Variants in FER observed in about 807,000 individuals in gnomAD.
The protein encoded by FER is tyrosine-protein kinase Fer.
FER carries 63 observed loss-of-function variants against 111.0 expected under a neutral mutation model. The ratio of observed to expected loss-of-function variants is 0.57; its 90% CI spans 0.46 to 0.70. The LOEUF (loss-of-function observed/expected upper bound fraction) is 0.70, where lower values mean the gene tolerates loss of function less well. Among genes scored for constraint, FER ranks in the 30% least tolerant of loss-of-function variants. The pLI is 0.00. For missense variants in FER, 914 were observed against 954.0 expected, an observed-to-expected ratio of 0.96 and a Z score of 0.55; for synonymous variants, 327 against 313.9, an observed-to-expected ratio of 1.04 and a Z score of -0.44.
At chr5:109,173,384 A>G (rs1420604928) in intron 17 of FER, among the ~76,000 whole-genome samples, 2 of 152,236 alleles carry the variant, frequency 1.3e-5, no homozygotes, top group African/African-American at 2.4e-5. Flanking sequence ...AATATAGTAA[A>G]TGGACTCAAT....
chr5:108,753,954 A>G (rs1029888340), intron 1 of FER, among the ~76,000 whole-genome samples: 5 of 152,164 alleles, frequency 3.3e-5, no homozygotes, highest in Non-Finnish European at 5.9e-5. Flanking sequence ...GGTACAAGAT[A>G]TTTACATGTA....
intron 13 of FER, among the ~76,000 whole-genome samples, chr5:109,016,364 A>T (rs930369420): frequency 6.6e-6 from 1 of 152,022 alleles, no homozygotes; most frequent in South Asian, 2.1e-4. Flanking sequence ...GTCTTTGTTG[A>T]TTAAAACTTC....
intron 5 of FER, among the ~76,000 whole-genome samples, chr5:108,839,076 T>G (rs1181826458): frequency 6.6e-6 from 1 of 152,016 alleles, no homozygotes. Flanking sequence ...GTACAAAAGG[T>G]AGTAAAGGAT....
intron 9 of FER, 26 bp from the exon 10 acceptor site, chr5:108,897,633 A>G: frequency 6.8e-7 from 1 of 1,467,740 alleles, no homozygotes. Context: ...ATGAAGTTGA[A>G]ATCATTTATA....
chr5:108,802,169 C>G (rs575228621), intron 3 of FER, among the ~76,000 whole-genome samples: 1 of 151,534 alleles, frequency 6.6e-6, no homozygotes, highest in Admixed American at 6.6e-5. Context: ...ATTATTTTGT[C>G]TTTTCTAAAT....
At chr5:109,133,789 T>C (rs1346256719) in intron 17 of FER, among the ~76,000 whole-genome samples, 1 of 151,982 alleles carries the variant, frequency 6.6e-6, no homozygotes, top group Non-Finnish European at 1.5e-5. Flanking sequence ...GTCTGCCATT[T>C]CCAGCATTCT....
intron 10 of FER, among the ~76,000 whole-genome samples, chr5:108,941,785 G>A (rs1048919577): frequency 6.6e-6 from 1 of 152,154 alleles, no homozygotes; most frequent in African/African-American, 2.4e-5. Context: ...TACAAAAAAC[G>A]TATTTTGGTG....
chr5:109,183,439 G>C (rs1758513023), intron 18 of FER, among the ~76,000 whole-genome samples: 1 of 152,046 alleles, frequency 6.6e-6, no homozygotes, highest in African/African-American at 2.4e-5. Context: ...AGTAGAGACA[G>C]GGTTTTACCA....
intron 16 of FER, among the ~76,000 whole-genome samples, chr5:109,053,435 T>C (rs979232517): frequency 6.6e-6 from 1 of 150,506 alleles, no homozygotes; most frequent in Non-Finnish European, 1.5e-5. Context: ...TTGTGGCAGA[T>C]ACATGTTTTG....
chr5:108,917,529 G>A (rs1044457894), intron 10 of FER, among the ~76,000 whole-genome samples: 1 of 152,054 alleles, frequency 6.6e-6, no homozygotes, highest in South Asian at 2.1e-4. Flanking sequence ...TTGTTTTCTT[G>A]GGTGATTTTG....
At position 108,842,183 on chromosome 5, in the gene FER, T is replaced by C. The variant is rs982052471; in HGVS notation, c.481+6376T>C. The C allele has an allele frequency of 2.6e-5, 4 of 155,614 alleles. No homozygotes were observed. In the Admixed American group the frequency reaches 2.6e-4, roughly 10 times the overall value. 9.6% of individuals were successfully genotyped at this position (155,614 alleles called of 1,614,324 possible). ...AGATAGAAGTATAGATGAAACATGA[T>C]TGATCATGAATTGATGATCATTCAA... On this transcript the variant is annotated intron_variant, in intron 5 of 19. Coordinates refer to ENST00000281092, the MANE Select transcript of FER (RefSeq NM_005246.4).
At chr5:108,996,060 T>A (rs936715734) in intron 13 of FER, among the ~76,000 whole-genome samples, 1 of 152,234 alleles carries the variant, frequency 6.6e-6, no homozygotes, top group Non-Finnish European at 1.5e-5. Context: ...CGCATAAATG[T>A]CTTTTTTTGA....
At chr5:109,004,863 A>T (rs949014799) in intron 13 of FER, among the ~76,000 whole-genome samples, 1 of 152,156 alleles carries the variant, frequency 6.6e-6, no homozygotes, top group Non-Finnish European at 1.5e-5. Flanking sequence ...ACAAATTTAT[A>T]TATTTATTAA....
At chr5:108,921,703 T>G (rs1753040140) in intron 10 of FER, among the ~76,000 whole-genome samples, 1 of 152,164 alleles carries the variant, frequency 6.6e-6, no homozygotes. Context: ...GACAATGTTT[T>G]TTACCAAAGG....
chr5:108,997,232 C>T (rs898417703), intron 13 of FER, among the ~76,000 whole-genome samples: 44 of 137,556 alleles, frequency 3.2e-4, no homozygotes, highest in African/African-American at 1.3e-3. Context: ...GGTGAAACCC[C>T]GTCTCTACTA....
chr5:108,867,854 A>G lies in FER; in HGVS notation c.569A>G (p.Lys190Arg). ...MLHNQYVLAL[K>R]GAQLHQNQYY... ...CACAATCAGTATGTATTGGCGTTGA[A>G]AGGGGCACAGCTCCATCAGAATCAG... Residue 190 changes from lysine (K) to arginine (R), a missense_variant, in exon 6 of 20, where the codon AAA (lysine) becomes AGA (arginine). Around this residue, in one of 3 missense-constraint regions of FER, gnomAD observed 774 missense variants for 782.6 expected, o/e 0.99. Transcript: ENST00000281092. The G allele has an allele frequency of 6.2e-7, 1 of 1,613,414 alleles. No homozygotes were observed. Among genetic ancestry groups the G allele is most frequent in the Non-Finnish European group, 8.5e-7 (1 of 1,179,574 alleles).
intron 11 of FER, 107 bp downstream of exon 11, chr5:108,946,329 T>C (rs889603198): frequency 4.6e-6 from 3 of 647,628 alleles, no homozygotes; most frequent in African/African-American, 1.9e-5. Context: ...TATATATGTA[T>C]ATACATATAT....
At chr5:108,911,922 C>T (rs895667897) in intron 10 of FER, among the ~76,000 whole-genome samples, 30 of 152,070 alleles carry the variant, frequency 2.0e-4, no homozygotes, top group African/African-American at 5.8e-4. Flanking sequence ...ACAATTCCCA[C>T]GTGTTGTGGC....
chr5:108,935,091 T>C (rs1012971378), intron 10 of FER, among the ~76,000 whole-genome samples: 2 of 152,116 alleles, frequency 1.3e-5, no homozygotes, highest in African/African-American at 4.8e-5. Context: ...AAGGTAAATA[T>C]GCAGTGATTC....
Sources: allele counts gnomAD v4.1 joint callset (sites outside exome capture counted in the v4.1 genomes callset), GRCh38; gene constraint gnomAD v4.1.1; regional missense constraint gnomAD v4.1.1; transcripts MANE v1.5; gene names NCBI Gene and HGNC (gene_info 2026-07-23, HGNC 2026-07-21).